The following BNC2 variants were observed in gnomAD, a reference collection of about 807,000 sequenced individuals.
BNC2 encodes the protein zinc finger protein basonuclin-2.
A neutral mutation model predicts 76.3 loss-of-function variants in BNC2; 20 were observed. That is an observed-to-expected ratio of 0.26 (90% confidence interval 0.18 to 0.38). The LOEUF (loss-of-function observed/expected upper bound fraction) is 0.38, where lower values mean the gene tolerates loss of function less well. Ranked by LOEUF, BNC2 falls within the 10% of genes least tolerant of loss-of-function variation. The pLI is 1.00. For missense variants in BNC2, 1,382 were observed against 1,399.8 expected, an observed-to-expected ratio of 0.99 and a Z score of 0.20; for synonymous variants, 582 against 514.8, an observed-to-expected ratio of 1.13 and a Z score of -1.77.
intron 3 of BNC2, among the ~76,000 whole-genome samples, chr9:16,724,803 G>A (rs990210070): frequency 6.6e-6 from 1 of 151,946 alleles, no homozygotes; most frequent in Non-Finnish European, 1.5e-5. Flanking sequence ...CAGTATTCAT[G>A]GACATTTCCC....
chr9:16,774,319 C>T (rs527619579), intron 1 of BNC2, among the ~76,000 whole-genome samples: 6 of 152,280 alleles, frequency 3.9e-5, no homozygotes, highest in African/African-American at 1.2e-4. Flanking sequence ...AACTACTATT[C>T]GTTACATCTG....
intron 4 of BNC2, among the ~76,000 whole-genome samples, chr9:16,554,445 CAA>C (rs1181771637): frequency 6.6e-6 from 1 of 152,154 alleles, no homozygotes; most frequent in Non-Finnish European, 1.5e-5. Context: ...AATACTTTGT[CAA>C]AGAGTTCGGG....
At chr9:16,731,463 G>A (rs1824501667) in intron 2 of BNC2, among the ~76,000 whole-genome samples, 1 of 152,038 alleles carries the variant, frequency 6.6e-6, no homozygotes, top group Non-Finnish European at 1.5e-5. Context: ...CACCACATAA[G>A]TAGAAATATA....
At chr9:16,538,389 A>G (rs1374695507) in intron 5 of BNC2, among the ~76,000 whole-genome samples, 2 of 152,190 alleles carry the variant, frequency 1.3e-5, no homozygotes, top group Non-Finnish European at 2.9e-5. Context: ...CTTAATATAA[A>G]ACATCTACAT....
At chr9:16,749,286 G>C (rs1825109860) in intron 1 of BNC2, among the ~76,000 whole-genome samples, 1 of 152,164 alleles carries the variant, frequency 6.6e-6, no homozygotes, top group Admixed American at 6.5e-5. Flanking sequence ...CTACAAATCA[G>C]TACACGTGTT....
chr9:16,743,191 G>A (rs956001933), intron 1 of BNC2, among the ~76,000 whole-genome samples: 5 of 152,116 alleles, frequency 3.3e-5, no homozygotes, highest in Non-Finnish European at 7.3e-5. Flanking sequence ...CACCAACGAT[G>A]GCTTGCATTT....
intron 1 of BNC2, among the ~76,000 whole-genome samples, chr9:16,804,206 T>C (rs1586897341): frequency 6.6e-6 from 1 of 152,244 alleles, no homozygotes; most frequent in South Asian, 2.1e-4. Context: ...TAAAGCATCA[T>C]AAAATAATTT....
At chr9:16,620,790 G>A (rs569610340) in intron 3 of BNC2, among the ~76,000 whole-genome samples, 1 of 152,278 alleles carries the variant, frequency 6.6e-6, no homozygotes, top group South Asian at 2.1e-4. Flanking sequence ...ATAAGTAGAT[G>A]AGTGAATATT....
intron 1 of BNC2, among the ~76,000 whole-genome samples, chr9:16,866,622 T>C (rs896726769): frequency 6.7e-6 from 1 of 148,896 alleles, no homozygotes; most frequent in Non-Finnish European, 1.5e-5. Context: ...AGCTGACGCC[T>C]TGACTGTTCT....
chr9:16,513,219 A>G (rs1012966599), intron 5 of BNC2, among the ~76,000 whole-genome samples: 2 of 150,604 alleles, frequency 1.3e-5, no homozygotes, highest in African/African-American at 4.9e-5. Context: ...ATTTATTACT[A>G]TTTTCCCCTC....
At chr9:16,608,195 GTTAT>G (rs1334579439) in intron 3 of BNC2, among the ~76,000 whole-genome samples, 1 of 152,132 alleles carries the variant, frequency 6.6e-6, no homozygotes, top group Non-Finnish European at 1.5e-5. Flanking sequence ...CTATTTTTAA[GTTAT>G]TTATTTTCCC....
At chr9:16,657,085 G>C (rs1297868861) in intron 3 of BNC2, among the ~76,000 whole-genome samples, 4 of 152,150 alleles carry the variant, frequency 2.6e-5, no homozygotes, top group South Asian at 4.1e-4. Flanking sequence ...GATCAACCGA[G>C]AGAGCTCCAT....
chr9:16,603,454 TCACCCTAACATCA>T (rs1190718813), intron 3 of BNC2, among the ~76,000 whole-genome samples: 1 of 152,206 alleles, frequency 6.6e-6, no homozygotes, highest in East Asian at 1.9e-4. Flanking sequence ...ACAATCAGGT[TCACCCTAACATCA>T]CACACCAAAA....
intron 5 of BNC2, among the ~76,000 whole-genome samples, chr9:16,529,649 T>C (rs1216758515): frequency 6.6e-6 from 1 of 152,092 alleles, no homozygotes; most frequent in Admixed American, 6.5e-5. Flanking sequence ...GTTGTTCTAG[T>C]GGAATAAAAT....
intron 6 of BNC2, among the ~76,000 whole-genome samples, chr9:16,430,991 C>G (rs760292163): frequency 3.3e-5 from 5 of 152,176 alleles, no homozygotes; most frequent in Non-Finnish European, 5.9e-5. Context: ...GAAGATCAAG[C>G]ATATATGCTT....
intron 1 of BNC2, among the ~76,000 whole-genome samples, chr9:16,845,546 C>T (rs960803813): frequency 2.0e-5 from 3 of 151,560 alleles, no homozygotes; most frequent in Non-Finnish European, 4.4e-5. Context: ...ACAGTGAAAC[C>T]CCATCTCTAC....
chr9:16,604,679 C>T (rs1014629407), intron 3 of BNC2, among the ~76,000 whole-genome samples: 11 of 151,942 alleles, frequency 7.2e-5, no homozygotes, highest in Admixed American at 6.6e-5. Flanking sequence ...GTGGTGGGCG[C>T]CCGTAATCCC....
At chr9:16,489,988 A>T (rs1349516135) in intron 5 of BNC2, among the ~76,000 whole-genome samples, 1 of 152,024 alleles carries the variant, frequency 6.6e-6, no homozygotes, top group Non-Finnish European at 1.5e-5. Flanking sequence ...CCCTCAAAAA[A>T]TTTTTCTGCA....
chr9:16,674,912 T>C (rs922394040), intron 3 of BNC2, among the ~76,000 whole-genome samples: 1 of 152,174 alleles, frequency 6.6e-6, no homozygotes, highest in African/African-American at 2.4e-5. Context: ...TTGAAACAGA[T>C]TATTAGATGG....
Sources: gnomAD v4.1 joint callset for allele counts (sites outside exome capture counted in the v4.1 genomes callset) on GRCh38, gnomAD v4.1.1 for gene constraint, MANE v1.5 for transcripts, NCBI Gene and HGNC (gene_info 2026-07-23, HGNC 2026-07-21) for gene names.